Variants in GORASP2 observed in about 807,000 individuals in gnomAD.
GORASP2 encodes Golgi reassembly-stacking protein 2.
Under a neutral mutation model 45.7 loss-of-function variants are expected in GORASP2, and 22 were observed. That is an observed-to-expected ratio of 0.48 (90% CI 0.34 to 0.69). GORASP2 has a LOEUF of 0.69. Among genes scored for constraint, GORASP2 ranks in the 30% least tolerant of loss-of-function variants. GORASP2 has a pLI of 0.01. For missense variants in GORASP2, 491 were observed against 562.7 expected (o/e 0.87, Z 1.29); for synonymous variants, 221 against 215.6 (o/e 1.02, Z -0.22).
At chr2:170,933,883 C>T (rs548774103) in intron 1 of GORASP2, among the ~76,000 whole-genome samples, 3 of 152,264 alleles carry the variant, frequency 2.0e-5, no homozygotes, top group East Asian at 3.9e-4. Flanking sequence ...TGAAATGTGT[C>T]ACGAGTGTAA....
At chr2:170,933,343 A>T (rs544734917) in intron 1 of GORASP2, among the ~76,000 whole-genome samples, 2 of 152,342 alleles carry the variant, frequency 1.3e-5, no homozygotes, top group South Asian at 4.1e-4. Flanking sequence ...TACCCCCTAC[A>T]TGTGAACTAT....
intron 1 of GORASP2, among the ~76,000 whole-genome samples, chr2:170,930,588 G>C (rs1410412824): frequency 6.6e-6 from 1 of 151,952 alleles, no homozygotes; most frequent in Non-Finnish European, 1.5e-5. Context: ...GGATTATCGT[G>C]TCTATTGCCT....
At chr2:170,932,239 A>T (rs1703841387) in intron 1 of GORASP2, among the ~76,000 whole-genome samples, 1 of 151,772 alleles carries the variant, frequency 6.6e-6, no homozygotes. Flanking sequence ...AAAAAAAAAG[A>T]GTCTCTTCTT....
chr2:170,929,503 C>G, intron 1 of GORASP2, 100 bp downstream of exon 1: 2 of 1,002,116 alleles, frequency 2.0e-6, no homozygotes, highest in South Asian at 2.2e-5. Context: ...GCAGCCAGGC[C>G]CGATCCCGCG....
chr2:170,956,351 C>A, intron 6 of GORASP2, 85 bp from the exon 7 acceptor site: 1 of 1,213,580 alleles, frequency 8.2e-7, no homozygotes, highest in Non-Finnish European at 1.1e-6. Context: ...AAATATCTAT[C>A]TGCAGGGCAA....
At chr2:170,929,524 G>A in intron 1 of GORASP2, 121 bp downstream of exon 1, 1 of 833,588 alleles carries the variant, frequency 1.2e-6, no homozygotes, top group South Asian at 2.4e-5. Context: ...AAGGAGCGGC[G>A]GTCGCGGGCG....
At position 170,951,339 on chromosome 2, in the gene GORASP2, A is replaced by T. The variant is rs141501222; in HGVS notation, c.447A>T (p.Leu149=). 1 of 1,607,446 alleles carries T rather than the reference A, an allele frequency of 6.2e-7. No homozygotes were observed. The highest frequency in any genetic ancestry group is 2.2e-5 in the East Asian group (1 of 44,548). Residue 149 remains leucine, a synonymous_variant, in exon 5 of 10, where the codon CTA becomes CTT. Coordinates refer to ENST00000234160, the MANE Select transcript of GORASP2 (RefSeq NM_015530.5). ...TGACACTTTTGCAGTCTGAAGATCTATTCAGCCTTATCGAAACACATGAAG... is the reference window on the plus strand; with the variant it reads ...TGACACTTTTGCAGTCTGAAGATCTTTTCAGCCTTATCGAAACACATGAAG... ...ADTVMNESED[L]FSLIETHEAK... is the part of the protein sequence containing the mutation.
In GORASP2 at chr2:170,951,374, T is replaced by C; in HGVS notation, c.482T>C (p.Leu161Ser). The part of the protein sequence containing the change: ...SLIETHEAKP[L>S]KLYVYNTDTD... ...ATCGAAACACATGAAGCAAAACCAT[T>C]GAAACTGTATGTGTACAACACAGAC... The change falls in exon 5 of 10, where the codon TTG becomes TCG. Residue 161 changes from leucine (L) to serine (S), a missense_variant. Leu to Ser is a moderately radical substitution (Grantham distance 145). Transcript: ENST00000234160. 4 of 1,609,812 alleles carry C rather than the reference T, an allele frequency of 2.5e-6. No individual in the cohort carries two copies. The highest frequency in any genetic ancestry group is 3.4e-6 in the Non-Finnish European group (4 of 1,177,550).
At chr2:170,954,164 G>A (rs1456515108) in intron 5 of GORASP2, 1 of 153,156 alleles carries the variant, frequency 6.5e-6, no homozygotes, top group African/African-American at 2.4e-5. Flanking sequence ...ACTATGGAAT[G>A]TGTAAATGAT....
chr2:170,934,129 G>C (rs1316666505), intron 1 of GORASP2, among the ~76,000 whole-genome samples: 1 of 151,916 alleles, frequency 6.6e-6, no homozygotes, highest in Non-Finnish European at 1.5e-5. Context: ...CTGCAATCCT[G>C]TTGTGATGGG....
At chr2:170,965,437 A>G (rs1278157577) in intron 9 of GORASP2, among the ~76,000 whole-genome samples, 1 of 152,180 alleles carries the variant, frequency 6.6e-6, no homozygotes, top group Non-Finnish European at 1.5e-5. Context: ...ATGGGTGAGC[A>G]TGAGTCCCCC....
intron 2 of GORASP2, 67 bp from the exon 3 acceptor site, chr2:170,949,472 C>T: frequency 9.7e-7 from 1 of 1,033,760 alleles, no homozygotes. Context: ...TCTTATAGGG[C>T]CATAGGATGC....
At position 170,940,087 on chromosome 2, in the gene GORASP2, A is replaced by G. The variant is rs149390937; in HGVS notation, c.64-8263A>G. On this transcript the variant is annotated intron_variant, in intron 1 of 9. Coordinates refer to ENST00000234160, the MANE Select transcript of GORASP2 (RefSeq NM_015530.5). The stretch of plus-strand genomic sequence containing the variant: ...TGGAAAAGGAATATATGGTGTAGTA[A>G]TAAAAAGGAGACAGTTATACATTCT... Among the ~76,000 whole-genome samples, 855 of 152,338 alleles carry G rather than the reference A, an allele frequency of 5.6e-3. 7 individuals carry two copies. The highest frequency in any genetic ancestry group is 0.019 in the African/African-American group (797 of 41,566).
At chr2:170,946,629 A>G (rs1005693851) in intron 1 of GORASP2, among the ~76,000 whole-genome samples, 3 of 152,054 alleles carry the variant, frequency 2.0e-5, no homozygotes, top group Non-Finnish European at 4.4e-5. Flanking sequence ...TGTTAGACTA[A>G]TAGTTTCAAG....
intron 1 of GORASP2, among the ~76,000 whole-genome samples, chr2:170,935,106 A>G (rs1026539735): frequency 6.6e-6 from 1 of 152,192 alleles, no homozygotes; most frequent in African/African-American, 2.4e-5. Flanking sequence ...TTGCTTTCAA[A>G]TGTAGGAATC....
chr2:170,942,119 A>G (rs754247185), intron 1 of GORASP2, among the ~76,000 whole-genome samples: 4 of 152,126 alleles, frequency 2.6e-5, no homozygotes, highest in Non-Finnish European at 5.9e-5. Flanking sequence ...ACATTTTCAT[A>G]TTTATAGATC....
chr2:170,944,811 C>G, intron 1 of GORASP2, among the ~76,000 whole-genome samples: 1 of 152,076 alleles, frequency 6.6e-6, no homozygotes, highest in South Asian at 2.1e-4. Context: ...AGATAAAATG[C>G]TATTAATAGT....
At chr2:170,963,036 C>A in intron 9 of GORASP2, 90 bp downstream of exon 9, 2 of 815,934 alleles carry the variant, frequency 2.5e-6, no homozygotes, top group Non-Finnish European at 2.1e-6. Flanking sequence ...CTGGAGAGAG[C>A]AAATCAGTTT....
At chr2:170,933,221 T>C (rs577553367) in intron 1 of GORASP2, among the ~76,000 whole-genome samples, 39 of 152,340 alleles carry the variant, frequency 2.6e-4, no homozygotes, top group African/African-American at 9.1e-4. Flanking sequence ...TTTCCTTATA[T>C]AGTGGGTCAG....
Sources: gnomAD v4.1 joint callset for allele counts (sites outside exome capture counted in the v4.1 genomes callset) on GRCh38, gnomAD v4.1.1 for gene constraint, MANE v1.5 for transcripts, NCBI Gene and HGNC (gene_info 2026-07-23, HGNC 2026-07-21) for gene names.